TMEM150C: variants seen among roughly 807,000 people sequenced by gnomAD.
The protein encoded by TMEM150C is transmembrane protein 150C.
Under a neutral mutation model 29.9 loss-of-function variants are expected in TMEM150C, and 10 were observed. That is an observed-to-expected ratio of 0.33 (90% confidence interval 0.21 to 0.57). TMEM150C has a LOEUF of 0.57. Ranked by LOEUF, TMEM150C falls within the 20% of genes least tolerant of loss-of-function variation. The pLI is 0.88. For missense variants in TMEM150C, 251 were observed against 303.6 expected (o/e 0.83, Z 1.29); for synonymous variants, 101 against 112.5 (o/e 0.90, Z 0.64).
chr4:82,514,454 A>G (rs1294065189), intron 1 of TMEM150C, among the ~76,000 whole-genome samples: 1 of 152,238 alleles, frequency 6.6e-6, no homozygotes, highest in African/African-American at 2.4e-5. Flanking sequence ...GAAATAATTC[A>G]TACGTTACCC....
chr4:82,538,372 TA>T (rs1223064214), intron 1 of TMEM150C, among the ~76,000 whole-genome samples: 3 of 152,154 alleles, frequency 2.0e-5, no homozygotes, highest in African/African-American at 7.2e-5. Flanking sequence ...CATTATTTTA[TA>T]ACAGCAGAAA....
intron 1 of TMEM150C, among the ~76,000 whole-genome samples, chr4:82,505,906 C>T (rs777262738): frequency 6.6e-6 from 1 of 152,090 alleles, no homozygotes; most frequent in African/African-American, 2.4e-5. Flanking sequence ...CAAAATCTAT[C>T]GGAGACACTG....
At chr4:82,534,124 A>G (rs1021674284) in intron 1 of TMEM150C, among the ~76,000 whole-genome samples, 2 of 152,182 alleles carry the variant, frequency 1.3e-5, no homozygotes, top group African/African-American at 4.8e-5. Flanking sequence ...ACCAACTTAC[A>G]GGGTTGTTAT....
chr4:82,511,718 C>T (rs934151912), intron 1 of TMEM150C, among the ~76,000 whole-genome samples: 3 of 152,026 alleles, frequency 2.0e-5, no homozygotes, highest in Non-Finnish European at 2.9e-5. Flanking sequence ...CCACCTGCCT[C>T]GGACTCTCAA....
intron 7 of TMEM150C, among the ~76,000 whole-genome samples, chr4:82,486,727 G>T (rs550844723): frequency 1.3e-5 from 2 of 151,970 alleles, no homozygotes; most frequent in Non-Finnish European, 2.9e-5. Context: ...TCTAGCTAGG[G>T]TGACGGCAAG....
intron 1 of TMEM150C, among the ~76,000 whole-genome samples, chr4:82,528,592 C>T (rs1724732194): frequency 6.6e-6 from 1 of 150,468 alleles, no homozygotes; most frequent in South Asian, 2.1e-4. Flanking sequence ...TTTCTAGTTA[C>T]TTTTCCTCGT....
At chr4:82,526,654 T>C (rs1724660628) in intron 1 of TMEM150C, among the ~76,000 whole-genome samples, 2 of 152,168 alleles carry the variant, frequency 1.3e-5, no homozygotes, top group Admixed American at 1.3e-4. Context: ...TAGTAAGTGG[T>C]TGAATCCAAA....
chr4:82,539,035 C>T (rs1430144633), intron 1 of TMEM150C, among the ~76,000 whole-genome samples: 2 of 152,128 alleles, frequency 1.3e-5, no homozygotes, highest in African/African-American at 4.8e-5. Context: ...CCACTGCACT[C>T]CAGCCTGGGG....
At chr4:82,495,679 A>T (rs1169440130) in intron 6 of TMEM150C, 1 of 298,024 alleles carries the variant, frequency 3.4e-6, no homozygotes, top group Non-Finnish European at 6.7e-6. Flanking sequence ...ATGGGTCAAG[A>T]TACCCTGCTT....
intron 1 of TMEM150C, among the ~76,000 whole-genome samples, chr4:82,550,080 T>C (rs1578157086): frequency 6.6e-6 from 1 of 152,168 alleles, no homozygotes; most frequent in Non-Finnish European, 1.5e-5. Flanking sequence ...CACCTAGAAC[T>C]GTAATCCCCA....
chr4:82,532,451 C>T (rs535123608), intron 1 of TMEM150C, among the ~76,000 whole-genome samples: 59 of 152,158 alleles, frequency 3.9e-4, no homozygotes, highest in African/African-American at 1.3e-3. Flanking sequence ...AAAGTAAAAG[C>T]GACAATCAAT....
chr4:82,491,668 A>G, intron 6 of TMEM150C: 1 of 490,054 alleles, frequency 2.0e-6, no homozygotes, highest in South Asian at 2.9e-5. Flanking sequence ...CTAATTTTTT[A>G]TTTTTTTTAT....
chr4:82,507,727 CTTTTTTTTTTTTTTTTTTT>C lies in TMEM150C; in HGVS notation c.-10-3079_-10-3061del, dbSNP rs869112887. Among the ~76,000 whole-genome samples the C allele has an allele frequency of 2.3e-3, 48 of 20,590 alleles. 1 individual carries two copies. Among genetic ancestry groups the C allele is most frequent in the Admixed American group, 6.2e-3 (8 of 1,298 alleles). The allele number at this position is 20,590 out of a possible 152,430, so 13.5% of individuals were successfully genotyped here. A position where few individuals can be genotyped will look rare whatever the true frequency, so the allele number is the denominator to read the frequency against. ...TTAAATTAACTCTCTCTCTCTCTCTCTTTTTTTTTTTTTTTTTTTTTTTTTTTTTTTTTTTTTTTGAGAC... is the reference window on the plus strand; with the variant it reads ...TTAAATTAACTCTCTCTCTCTCTCTCTTTTTTTTTTTTTTTTTTTTGAGAC... On this transcript the variant is annotated intron_variant, in intron 1 of 7. Coordinates refer to ENST00000449862, the MANE Select transcript of TMEM150C (RefSeq NM_001080506.3).
At chr4:82,495,981 GGTGATTATACCTCAA>G in intron 6 of TMEM150C, 72 bp downstream of exon 6, 1 of 1,540,586 alleles carries the variant, frequency 6.5e-7, no homozygotes, top group Non-Finnish European at 8.9e-7. Flanking sequence ...TGGGCCATAT[GGTGATTATACCTCAA>G]TAGCTTTGAT....
chr4:82,519,005 T>C (rs1724388255), intron 1 of TMEM150C, among the ~76,000 whole-genome samples: 1 of 152,204 alleles, frequency 6.6e-6, no homozygotes, highest in Non-Finnish European at 1.5e-5. Context: ...GCATATTCAT[T>C]GACTGAAGAA....
chr4:82,492,064 G>C (rs1274911530), intron 6 of TMEM150C, among the ~76,000 whole-genome samples: 3 of 151,188 alleles, frequency 2.0e-5, no homozygotes, highest in African/African-American at 7.3e-5. Context: ...GCCTCCCAAA[G>C]TGCTGGGATT....
chr4:82,510,040 T>G (rs1316015104), intron 1 of TMEM150C, among the ~76,000 whole-genome samples: 3 of 151,912 alleles, frequency 2.0e-5, no homozygotes, highest in African/African-American at 7.3e-5. Flanking sequence ...ATTTACAGCT[T>G]TAAAAACTTT....
At chr4:82,503,322 A>C (rs1578128365) in intron 2 of TMEM150C, among the ~76,000 whole-genome samples, 3 of 152,260 alleles carry the variant, frequency 2.0e-5, no homozygotes, top group Admixed American at 2.0e-4. Context: ...AACATCCCCA[A>C]AGTAATGGCC....
At chr4:82,561,770 G>A in intron 1 of TMEM150C, 136 bp downstream of exon 1, 1 of 618,740 alleles carries the variant, frequency 1.6e-6, no homozygotes, top group African/African-American at 2.0e-5. Flanking sequence ...CCCCGCAGCC[G>A]GGCGGACCCA....
Sources: gnomAD v4.1 joint callset for allele counts (sites outside exome capture counted in the v4.1 genomes callset) on GRCh38, gnomAD v4.1.1 for gene constraint, MANE v1.5 for transcripts, NCBI Gene and HGNC (gene_info 2026-07-23, HGNC 2026-07-21) for gene names.